The following CSMD2 variants were observed in gnomAD, a reference collection of about 807,000 sequenced individuals.
CSMD2 encodes the protein CUB and sushi domain-containing protein 2.
CSMD2 carries 130 observed loss-of-function variants against 398.5 expected under a neutral mutation model. The ratio of observed to expected loss-of-function variants is 0.33; its 90% CI spans 0.28 to 0.38. The LOEUF (loss-of-function observed/expected upper bound fraction) is 0.38, where lower values mean the gene tolerates loss of function less well. Among genes scored for constraint, CSMD2 ranks in the 10% least tolerant of loss-of-function variants. CSMD2 has a pLI of 1.00. For missense variants in CSMD2, 3,829 were observed against 4,764.9 expected (o/e 0.80, Z 5.78); for synonymous variants, 1,828 against 1,908.5 (o/e 0.96, Z 1.10).
chr1:33,931,232 C>T (rs554776207), intron 4 of CSMD2, among the ~76,000 whole-genome samples: 24 of 152,292 alleles, frequency 1.6e-4, no homozygotes, highest in Admixed American at 5.9e-4. Context: ...GAGTTCTACA[C>T]GAGAGGAAGA....
At chr1:33,562,798 C>T (rs1477220030) in intron 53 of CSMD2, among the ~76,000 whole-genome samples, 1 of 152,176 alleles carries the variant, frequency 6.6e-6, no homozygotes, top group Non-Finnish European at 1.5e-5. Context: ...AGAGAAAAGG[C>T]AGCCTGCTAT....
intron 1 of CSMD2, among the ~76,000 whole-genome samples, chr1:34,142,539 G>A (rs553235086): frequency 5.9e-5 from 9 of 152,314 alleles, no homozygotes; most frequent in South Asian, 4.1e-4. Flanking sequence ...ATGAGAAAAC[G>A]AAGGCCTGGA....
chr1:34,099,197 C>T (rs1226669615), intron 1 of CSMD2, among the ~76,000 whole-genome samples: 1 of 152,194 alleles, frequency 6.6e-6, no homozygotes, highest in African/African-American at 2.4e-5. Flanking sequence ...ATTTACTTTG[C>T]TCCTGTCCCT....
chr1:33,622,231 C>A lies in CSMD2; in HGVS notation c.5763G>T (p.Gln1921His), dbSNP rs772758360. ...TATCTGAGTAGAAATGAAGGTAGAG[C>A]TGGTTGGAGGTGCTGTTCAGAAGGG... Reference protein sequence around the residue: ...VPALLNSTSNQLYLHFYSDIS... With the variant: ...VPALLNSTSNHLYLHFYSDIS... The change falls in exon 37 of 71, where the codon CAG becomes CAT. Residue 1921 changes from glutamine to histidine, a missense_variant. Around this residue, in one of 5 missense-constraint regions of CSMD2, gnomAD observed 2,001 missense variants for 2,567.1 expected, o/e 0.78. Transcript: ENST00000373381. 4.3e-5 allele frequency: 70 copies of A among 1,613,970 alleles called. No homozygotes were observed. Among genetic ancestry groups the A allele is most frequent in the Non-Finnish European group, 4.0e-5 (47 of 1,180,010 alleles).
chr1:34,157,503 A>C (rs1640913810), intron 1 of CSMD2, among the ~76,000 whole-genome samples: 3 of 143,750 alleles, frequency 2.1e-5, no homozygotes, highest in African/African-American at 7.8e-5. Flanking sequence ...AATACATCTC[A>C]CCTCCCCTCC....
At chr1:33,706,183 C>A (rs939393124) in intron 22 of CSMD2, among the ~76,000 whole-genome samples, 5 of 151,970 alleles carry the variant, frequency 3.3e-5, no homozygotes, top group African/African-American at 1.2e-4. Context: ...ACATTTCCAG[C>A]GGTTTTTATT....
chr1:34,134,586 T>C (rs1638520621), intron 1 of CSMD2, among the ~76,000 whole-genome samples: 1 of 152,160 alleles, frequency 6.6e-6, no homozygotes, highest in Non-Finnish European at 1.5e-5. Flanking sequence ...AGTGCATAAA[T>C]ATGTAGAATC....
At chr1:33,625,372 G>A in intron 33 of CSMD2, 118 bp from the exon 34 acceptor site, 1 of 977,574 alleles carries the variant, frequency 1.0e-6, no homozygotes, top group Non-Finnish European at 1.5e-6. Flanking sequence ...GGCTCTGGAT[G>A]CTCTCCCGTA....
chr1:34,142,988 C>T (rs1408911632), intron 1 of CSMD2, among the ~76,000 whole-genome samples: 10 of 152,194 alleles, frequency 6.6e-5, no homozygotes, highest in East Asian at 1.9e-4. Context: ...ATTAAGAAAC[C>T]GCATGTGGAT....
chr1:34,071,123 T>G (rs1655692102), intron 2 of CSMD2, among the ~76,000 whole-genome samples: 1 of 152,210 alleles, frequency 6.6e-6, no homozygotes, highest in Admixed American at 6.5e-5. Flanking sequence ...GTGGCAGTGA[T>G]GATGCGAGAG....
At chr1:34,126,805 G>T (rs571529348) in intron 1 of CSMD2, among the ~76,000 whole-genome samples, 10 of 114,694 alleles carry the variant, frequency 8.7e-5, no homozygotes, top group African/African-American at 2.8e-4. Context: ...AGAGACATAG[G>T]GGAGAGAGAG....
chr1:33,854,194 C>T (rs1638909954), intron 5 of CSMD2, among the ~76,000 whole-genome samples: 1 of 152,190 alleles, frequency 6.6e-6, no homozygotes, highest in Non-Finnish European at 1.5e-5. Flanking sequence ...CCCCTCTGGG[C>T]ACCCTGCACT....
At chr1:33,587,618 T>C (rs1445176680) in intron 44 of CSMD2, among the ~76,000 whole-genome samples, 1 of 152,250 alleles carries the variant, frequency 6.6e-6, no homozygotes, top group Non-Finnish European at 1.5e-5. Context: ...CAGGTCTGGC[T>C]GTTCCCAAAC....
intron 2 of CSMD2, among the ~76,000 whole-genome samples, chr1:34,036,140 C>T (rs1416815454): frequency 6.6e-6 from 1 of 152,016 alleles, no homozygotes; most frequent in Non-Finnish European, 1.5e-5. Context: ...AACCACATAA[C>T]TATACAACTC....
intron 3 of CSMD2, among the ~76,000 whole-genome samples, chr1:33,948,789 T>C (rs1644916302): frequency 6.6e-6 from 1 of 152,158 alleles, no homozygotes; most frequent in African/African-American, 2.4e-5. Flanking sequence ...CCAGACACAG[T>C]ACAGAATGCA....
intron 2 of CSMD2, among the ~76,000 whole-genome samples, chr1:34,040,246 A>C (rs1449021151): frequency 6.6e-6 from 1 of 152,110 alleles, no homozygotes; most frequent in African/African-American, 2.4e-5. Context: ...TGCTCTACCC[A>C]ATTGGGATCA....
chr1:34,087,727 AT>A (rs1390317714), intron 2 of CSMD2, among the ~76,000 whole-genome samples: 1 of 151,964 alleles, frequency 6.6e-6, no homozygotes, highest in East Asian at 1.9e-4. Context: ...CATGTTAGAT[AT>A]TTCCATGCCT....
At chr1:33,855,788 A>G (rs1639041221) in intron 5 of CSMD2, among the ~76,000 whole-genome samples, 1 of 152,154 alleles carries the variant, frequency 6.6e-6, no homozygotes, top group African/African-American at 2.4e-5. Context: ...AGGCCTCAAG[A>G]GCGTGGTGAC....
chr1:33,624,693 C>T lies in CSMD2; in HGVS notation c.5501-50G>A. The T allele has an allele frequency of 6.3e-7, 1 of 1,582,646 alleles. No homozygotes were observed. On this transcript the variant is annotated intron_variant, in intron 34 of 70. Transcript: ENST00000373381. The surrounding 1 kb of genome is among the most constrained non-coding windows in gnomAD (Gnocchi z 4.7). ...GAGGCTTTGTGGCCTCCCGTGGGAG[C>T]CTTCCCAAGCTGACTCCTCCCTCAT...
Sources: gnomAD v4.1 joint callset for allele counts (sites outside exome capture counted in the v4.1 genomes callset) on GRCh38, gnomAD v4.1.1 for gene constraint, gnomAD v4.1.1 regional missense constraint, Gnocchi (gnomAD v3.1) non-coding constraint, MANE v1.5 for transcripts, NCBI Gene and HGNC (gene_info 2026-07-23, HGNC 2026-07-21) for gene names.